Variants in DLC1 observed in about 807,000 individuals in gnomAD.
The protein encoded by DLC1 is rho GTPase-activating protein 7.
Under a neutral mutation model 140.3 loss-of-function variants are expected in DLC1, and 54 were observed. The observed-to-expected ratio is 0.38, with a 90% confidence interval of 0.31 to 0.48. DLC1 has a LOEUF of 0.48. DLC1 is among the 20% of genes least tolerant of loss of function. The probability of loss-of-function intolerance (pLI) is 0.96; values close to 1 mark genes in which losing one functional copy is unlikely to be tolerated. For synonymous variants in DLC1, 986 were observed against 728.1 expected, an observed-to-expected ratio of 1.35 and a Z score of -5.70; for missense variants, 2,536 against 1,907.0, an observed-to-expected ratio of 1.33 and a Z score of -6.14.
intron 4 of DLC1, among the ~76,000 whole-genome samples, chr8:13,390,235 A>T (rs1341639981): frequency 6.6e-6 from 1 of 152,180 alleles, no homozygotes; most frequent in Non-Finnish European, 1.5e-5. Flanking sequence ...CACAAATTGA[A>T]AGAATGATTC....
intron 8 of DLC1, among the ~76,000 whole-genome samples, chr8:13,101,160 G>A (rs538369183): frequency 2.6e-5 from 4 of 152,254 alleles, no homozygotes; most frequent in South Asian, 4.1e-4. Context: ...ATCCTCCCAC[G>A]TGGGCTTCCC....
rs752811476 is a variant in DLC1, at chr8:13,100,579, G to C, written c.1758C>G (p.Ser586Arg). The stretch of plus-strand genomic sequence containing the variant: ...GGACGGAAGACACCTCCTGGCGCTC[G>C]CTGAGGTCCATCAGCGTGCCTCCGG... ...PSPGGTLMDL[S>R]ERQEVSSVRS... Residue 586 changes from serine to arginine, a missense_variant, in exon 9 of 18, where the codon AGC (serine) becomes AGG (arginine). Transcript: ENST00000276297. 33 of 1,613,550 alleles carry C rather than the reference G, an allele frequency of 2.0e-5. No homozygotes were observed. In the Admixed American group the frequency reaches 5.3e-4, roughly 26 times the overall value.
At chr8:13,504,469 T>A (rs1263550970) in intron 1 of DLC1, among the ~76,000 whole-genome samples, 1 of 152,178 alleles carries the variant, frequency 6.6e-6, no homozygotes, top group Admixed American at 6.5e-5. Flanking sequence ...AAAACAATTT[T>A]AGCATGTGTT....
At chr8:13,251,041 C>T (rs73543914) in intron 5 of DLC1, among the ~76,000 whole-genome samples, 35,528 of 152,076 alleles carry the variant, frequency 0.23, 4,308 homozygotes, top group South Asian at 0.34. Flanking sequence ...GATCAAGGTA[C>T]CCTGAAGGTT....
chr8:13,115,578 C>A lies in DLC1; in HGVS notation c.1420+8G>T. On this transcript the variant is annotated splice_region_variant and intron_variant, in intron 6 of 17. Coordinates refer to ENST00000276297, the MANE Select transcript of DLC1 (RefSeq NM_182643.3). ...GCCAACTTTTAAAAAGTGGCATTCCCAGCTTACCTTCATAAAGCTGTGCAT... is the reference window on the plus strand; with the variant it reads ...GCCAACTTTTAAAAAGTGGCATTCCAAGCTTACCTTCATAAAGCTGTGCAT... 6.2e-7 allele frequency: 1 copy of A among 1,611,748 alleles called. No homozygotes were observed. Among genetic ancestry groups the A allele is most frequent in the Non-Finnish European group, 8.5e-7 (1 of 1,179,072 alleles).
chr8:13,311,167 C>G, intron 4 of DLC1, among the ~76,000 whole-genome samples: 1 of 152,164 alleles, frequency 6.6e-6, no homozygotes, highest in Non-Finnish European at 1.5e-5. Flanking sequence ...ACTCATTTAG[C>G]TCTTTCTCTG....
At chr8:13,252,961 G>C (rs1830076370) in intron 5 of DLC1, among the ~76,000 whole-genome samples, 1 of 152,178 alleles carries the variant, frequency 6.6e-6, no homozygotes, top group Non-Finnish European at 1.5e-5. Context: ...TGTGTTCACT[G>C]TTAAAGTATC....
chr8:13,344,687 A>G (rs1018405594), intron 4 of DLC1, among the ~76,000 whole-genome samples: 2 of 152,188 alleles, frequency 1.3e-5, no homozygotes, highest in Non-Finnish European at 2.9e-5. Context: ...CGAGGTCTCT[A>G]TCACTATTAT....
At chr8:13,353,291 A>G (rs1017112982) in intron 4 of DLC1, 39 of 152,140 alleles carry the variant, frequency 2.6e-4, no homozygotes, top group African/African-American at 9.4e-4. Context: ...TTTTCCCTCA[A>G]CTACATATGT....
intron 5 of DLC1, among the ~76,000 whole-genome samples, chr8:13,270,755 T>C (rs1830898410): frequency 6.6e-6 from 1 of 152,090 alleles, no homozygotes; most frequent in Non-Finnish European, 1.5e-5. Context: ...TTTGGACTGG[T>C]TGAACCACTT....
At chr8:13,555,561 G>A (rs62492127) in intron 1 of DLC1, among the ~76,000 whole-genome samples, 10,274 of 151,692 alleles carry the variant, frequency 0.068, 562 homozygotes, top group Admixed American at 0.17. Flanking sequence ...GTATGATCTC[G>A]GCTCACTGCA....
intron 2 of DLC1, among the ~76,000 whole-genome samples, chr8:13,419,727 TA>T (rs1838227759): frequency 6.6e-6 from 1 of 152,168 alleles, no homozygotes; most frequent in Non-Finnish European, 1.5e-5. Context: ...GCTGGCCTCA[TA>T]AAATGAGTTA....
chr8:13,316,530 C>G (rs1832866932), intron 4 of DLC1, among the ~76,000 whole-genome samples: 1 of 152,034 alleles, frequency 6.6e-6, no homozygotes, highest in African/African-American at 2.4e-5. Flanking sequence ...ATTCCATCAA[C>G]AGGGTCCTTA....
intron 8 of DLC1, chr8:13,101,025 G>A (rs915785235): frequency 1.3e-5 from 5 of 399,574 alleles, no homozygotes; most frequent in East Asian, 7.7e-5. Flanking sequence ...AAAGTGCTGC[G>A]GTGACAGGGA....
At chr8:13,415,040 C>T (rs1837986487) in intron 2 of DLC1, among the ~76,000 whole-genome samples, 2 of 152,216 alleles carry the variant, frequency 1.3e-5, no homozygotes, top group African/African-American at 4.8e-5. Flanking sequence ...TCTCGAACTC[C>T]TGACCTTGTG....
At chr8:13,222,414 A>C (rs1254177301) in intron 5 of DLC1, among the ~76,000 whole-genome samples, 4 of 152,112 alleles carry the variant, frequency 2.6e-5, no homozygotes, top group African/African-American at 7.2e-5. Context: ...GATTATACTG[A>C]TGTTTTGTTT....
chr8:13,321,562 A>G (rs1002175770), intron 4 of DLC1, among the ~76,000 whole-genome samples: 1 of 33,902 alleles, frequency 2.9e-5, no homozygotes, highest in African/African-American at 6.3e-5. Flanking sequence ...AAAAAAAAAA[A>G]AAAAGAAACC....
intron 5 of DLC1, among the ~76,000 whole-genome samples, chr8:13,215,359 G>A (rs953261856): frequency 3.3e-5 from 5 of 152,184 alleles, no homozygotes; most frequent in East Asian, 3.9e-4. Flanking sequence ...GCCGAGGTGC[G>A]TGGATCACTT....
At chr8:13,090,162 G>A (rs1036956396) in intron 15 of DLC1, 90 bp downstream of exon 15, 1 of 1,270,868 alleles carries the variant, frequency 7.9e-7, no homozygotes, top group South Asian at 1.4e-5. Context: ...CAGATCCCCA[G>A]ACAGATTAGT....
Sources: allele counts gnomAD v4.1 joint callset (sites outside exome capture counted in the v4.1 genomes callset), GRCh38; gene constraint gnomAD v4.1.1; transcripts MANE v1.5; gene names NCBI Gene and HGNC (gene_info 2026-07-23, HGNC 2026-07-21).